Variants in PSMC1 observed in about 807,000 individuals in gnomAD.
PSMC1 encodes 26S proteasome regulatory subunit 4.
A neutral mutation model predicts 49.8 loss-of-function variants in PSMC1; 5 were observed. That is an observed-to-expected ratio of 0.10 (90% CI 0.05 to 0.21). The LOEUF (loss-of-function observed/expected upper bound fraction) is 0.21. Among genes scored for constraint, PSMC1 ranks in the 10% least tolerant of loss-of-function variants. PSMC1 has a pLI of 1.00. For synonymous variants in PSMC1, 155 were observed against 192.1 expected (o/e 0.81, Z 1.60); for missense variants, 181 against 535.7 (o/e 0.34, Z 6.54).
In PSMC1 at chr14:90,273,009, TGAGCC is replaced by T. The variant is rs1389222642; in HGVS notation, c.*603_*607del. On this transcript the variant is annotated 3_prime_UTR_variant, in exon 11 of 11. Transcript: ENST00000261303. ...CCTAGAGATATCTTGAAAGCCCTTC[TGAGCC>T]CTTGGGCTCAGAAATCTCATCCCTT... is the stretch of plus-strand genomic sequence containing the variant. 6.6e-6 allele frequency: 1 copy of T among 152,212 alleles called. No homozygotes were observed. Among genetic ancestry groups the T allele is most frequent in the East Asian group, 1.9e-4 (1 of 5,192 alleles). The allele number at this position is 152,212 out of a possible 1,614,324, so 9.4% of individuals were successfully genotyped here.
In PSMC1 at chr14:90,269,264, T is replaced by C. The variant is rs182154639; in HGVS notation, c.882-133T>C. ...CTGAATTTATTTTTTCCGAGCATAA[T>C]TGAGGGAGTGCCATGTGAGTTGAAA... On this transcript the variant is annotated intron_variant, in intron 8 of 10. Transcript: ENST00000261303. 2.5e-5 allele frequency: 19 copies of C among 747,190 alleles called. No individual in the cohort carries two copies. The Admixed American group carries it at 2.8e-4, about 11-fold the overall frequency. 46.3% of individuals were successfully genotyped at this position (747,190 alleles called of 1,614,324 possible). A position where few individuals can be genotyped will look rare whatever the true frequency, so the allele number is the denominator to read the frequency against.
chr14:90,269,354 G>A (rs761313673), intron 8 of PSMC1, 43 bp from the exon 9 acceptor site: 18 of 1,541,026 alleles, frequency 1.2e-5, no homozygotes, highest in South Asian at 2.4e-5. Context: ...TTGAGCAGGC[G>A]ATCAGTTGAG....
chr14:90,270,063 A>T, intron 9 of PSMC1, 135 bp from the exon 10 acceptor site: 1 of 904,146 alleles, frequency 1.1e-6, no homozygotes, highest in East Asian at 2.6e-5. Flanking sequence ...TTTACTTTTT[A>T]AAATTTAGAC....
rs573146311 is a variant in PSMC1 at position 90,258,693 on chromosome 14, T to C, written c.4-467T>C. 2.6e-5 allele frequency among the ~76,000 whole-genome samples: 4 copies of C among 152,332 alleles called. No individual in the cohort carries two copies. The East Asian group carries it at 7.7e-4, about 29-fold the overall frequency. Reference sequence around the variant, plus strand: ...GGAAGGAAAGTCTTCTGGATCTTGGTGTGATCTAAGTAAGGGGTAAATGAT... The same window carrying C: ...GGAAGGAAAGTCTTCTGGATCTTGGCGTGATCTAAGTAAGGGGTAAATGAT... On this transcript the variant is annotated intron_variant, in intron 1 of 10. Transcript: ENST00000261303.
In PSMC1 at chr14:90,264,968, A is replaced by AT. The variant is rs1039304976; in HGVS notation, c.595-97dup. On this transcript the variant is annotated intron_variant, in intron 6 of 10. Transcript: ENST00000261303. ...ATTGTCTCTAAGAAGAGTAATTGAG[A>AT]TTTTTACTTATTTTTGTTGAAAGCA... 4 of 856,304 alleles carry AT rather than the reference A, an allele frequency of 4.7e-6. No homozygotes were observed. In the African/African-American group the frequency reaches 5.1e-5, roughly 11 times the overall value. 53.0% of individuals were successfully genotyped at this position (856,304 alleles called of 1,614,324 possible). A position where few individuals can be genotyped will look rare whatever the true frequency, so the allele number is the denominator to read the frequency against.
At chr14:90,270,120 G>A in intron 9 of PSMC1, 78 bp from the exon 10 acceptor site, 1 of 1,490,182 alleles carries the variant, frequency 6.7e-7, no homozygotes, top group East Asian at 2.3e-5. Flanking sequence ...TATGTAAGGA[G>A]ATGGGCTGAG....
intron 6 of PSMC1, 67 bp downstream of exon 6, chr14:90,264,236 T>G: frequency 1.3e-6 from 2 of 1,588,192 alleles, no homozygotes; most frequent in Admixed American, 1.9e-5. Context: ...TAGGATACTT[T>G]GCAGGTGTTT....
In PSMC1 at chr14:90,273,823, A is replaced by C. The variant is rs1566677413; in HGVS notation, c.*1416A>C. On this transcript the variant is annotated 3_prime_UTR_variant, in exon 11 of 11. Transcript: ENST00000261303. ...TCTGTGAAGGCCACCCTCCCTCCTG[A>C]CTCGTGGCACTTCATTTTCCACCAG... 1 of 154,444 alleles carries C rather than the reference A, an allele frequency of 6.5e-6. No individual in the cohort carries two copies. The highest frequency in any genetic ancestry group is 1.5e-5 in the Non-Finnish European group (1 of 68,184). 9.6% of individuals were successfully genotyped at this position (154,444 alleles called of 1,614,324 possible). A position where few individuals can be genotyped will look rare whatever the true frequency, so the allele number is the denominator to read the frequency against.
At chr14:90,259,024 T>TTGGGTTCA in intron 1 of PSMC1, 136 bp from the exon 2 acceptor site, 1 of 713,010 alleles carries the variant, frequency 1.4e-6, no homozygotes, top group Non-Finnish European at 2.1e-6. Context: ...GTATTACATC[T>TTGGGTTCA]TGGGTTCAGA....
At chr14:90,267,132 T>C (rs1891537013) in intron 7 of PSMC1, among the ~76,000 whole-genome samples, 1 of 150,332 alleles carries the variant, frequency 6.7e-6, no homozygotes, top group Admixed American at 6.6e-5. Context: ...GTTTTTCTTT[T>C]CTTTTTTTTT....
rs1365731659 is a variant in PSMC1, at chr14:90,256,569, G to T, written c.-29G>T. Reference sequence around the variant, plus strand: ...GGCCGCAGTGGTGGAGGAACTTCCGGCAGCGGCAGCTCAAGTGGCCAAGGC... The same window carrying T: ...GGCCGCAGTGGTGGAGGAACTTCCGTCAGCGGCAGCTCAAGTGGCCAAGGC... On this transcript the variant is annotated 5_prime_UTR_variant, in exon 1 of 11. Transcript: ENST00000261303. 1 of 1,582,712 alleles carries T rather than the reference G, an allele frequency of 6.3e-7. No homozygotes were observed. Among genetic ancestry groups the T allele is most frequent in the South Asian group, 1.2e-5 (1 of 86,430 alleles).
intron 2 of PSMC1, 95 bp downstream of exon 2, chr14:90,259,308 AAAGT>A: frequency 8.5e-7 from 1 of 1,181,218 alleles, no homozygotes; most frequent in Non-Finnish European, 1.2e-6. Context: ...TGAATTTTAA[AAAGT>A]AGAATGATCC....
At chr14:90,258,201 T>A (rs1891332358) in intron 1 of PSMC1, among the ~76,000 whole-genome samples, 1 of 152,204 alleles carries the variant, frequency 6.6e-6, no homozygotes. Flanking sequence ...TCTTCTTATC[T>A]GCAAATGAGG....
intron 9 of PSMC1, 175 bp from the exon 10 acceptor site, chr14:90,270,023 G>A: frequency 1.6e-6 from 1 of 636,074 alleles, no homozygotes; most frequent in Non-Finnish European, 2.6e-6. Context: ...GAATTCAAAT[G>A]TAGAAATCTA....
intron 7 of PSMC1, chr14:90,267,707 G>C (rs75409356): frequency 6.6e-6 from 1 of 152,654 alleles, no homozygotes; most frequent in Non-Finnish European, 1.5e-5. Flanking sequence ...GGAACACTTC[G>C]TGTATCTCCT....
chr14:90,272,228 A>AG lies in PSMC1; in HGVS notation c.1189-45_1189-44insG, dbSNP rs754570350. On this transcript the variant is annotated intron_variant, in intron 10 of 10. Transcript: ENST00000261303. This position sits in a 1 kb window ranked among gnomAD's most constrained non-coding sequence, Gnocchi z 4.5. The stretch of plus-strand genomic sequence containing the variant: ...GTTTTTTGGAATTCCTTGTTAGAAT[A>AG]AAAATGAGTATGTCACTTTCTGAAC... The AG allele has an allele frequency of 6.3e-6, 10 of 1,594,018 alleles. No individual in the cohort carries two copies. The highest frequency in any genetic ancestry group is 8.5e-6 in the Non-Finnish European group (10 of 1,174,308).
At chr14:90,264,829 C>A (rs903611740) in intron 6 of PSMC1, among the ~76,000 whole-genome samples, 1 of 152,128 alleles carries the variant, frequency 6.6e-6, no homozygotes, top group Admixed American at 6.5e-5. Context: ...CTGACTTCTA[C>A]TAGAAAGTAA....
intron 3 of PSMC1, among the ~76,000 whole-genome samples, chr14:90,260,902 TAAAATA>T (rs1417887861): frequency 6.6e-6 from 1 of 152,112 alleles, no homozygotes; most frequent in African/African-American, 2.4e-5. Context: ...AATAAATAAA[TAAAATA>T]AAAGTATAGT....
In PSMC1 at chr14:90,256,623, C is replaced by A. The variant is rs532386714; in HGVS notation, c.3+23C>A. 4.3e-5 allele frequency: 68 copies of A among 1,585,656 alleles called. No homozygotes were observed. The South Asian group carries it at 7.6e-4, about 18-fold the overall frequency. On this transcript the variant is annotated intron_variant, in intron 1 of 10. Coordinates refer to ENST00000261303, the MANE Select transcript of PSMC1 (RefSeq NM_002802.3). ...ATGGTGAGTGACTAAGGGTTTCTTTCCGCTGGTCGTCGCGGTGCGATGGGG... is the reference window on the plus strand; with the variant it reads ...ATGGTGAGTGACTAAGGGTTTCTTTACGCTGGTCGTCGCGGTGCGATGGGG...
Sources: allele counts gnomAD v4.1 joint callset (sites outside exome capture counted in the v4.1 genomes callset), GRCh38; gene constraint gnomAD v4.1.1; non-coding constraint Gnocchi (gnomAD v3.1); transcripts MANE v1.5; gene names NCBI Gene and HGNC (gene_info 2026-07-23, HGNC 2026-07-21).